Variants in C12orf43 observed in about 807,000 individuals in gnomAD.
The protein encoded by C12orf43 is chromosome 12 open reading frame 43, also known as protein CUSTOS.
A neutral mutation model predicts 20.6 loss-of-function variants in C12orf43; 15 were observed. That is an observed-to-expected ratio of 0.73 (90% CI 0.49 to 1.12). The LOEUF (loss-of-function observed/expected upper bound fraction) is 1.12. C12orf43 is among the 50% of genes most tolerant of loss of function. The probability of loss-of-function intolerance (pLI) is 0.00; values close to 1 mark genes in which losing one functional copy is unlikely to be tolerated. For missense variants in C12orf43, 334 were observed against 344.4 expected, an observed-to-expected ratio of 0.97 and a Z score of 0.24; for synonymous variants, 144 against 130.8, an observed-to-expected ratio of 1.10 and a Z score of -0.69.
At chr12:121,011,341 T>C (rs558924714) in intron 1 of C12orf43, among the ~76,000 whole-genome samples, 195 bp from the exon 2 acceptor site, 1 of 148,512 alleles carries the variant, frequency 6.7e-6, no homozygotes, top group South Asian at 2.1e-4. Flanking sequence ...TTACATATAA[T>C]TTAGTTATAT....
At chr12:121,015,130 G>A (rs560080958) in intron 1 of C12orf43, among the ~76,000 whole-genome samples, 16 of 152,300 alleles carry the variant, frequency 1.1e-4, no homozygotes, top group South Asian at 2.1e-4. Flanking sequence ...ATCACTACCC[G>A]CACTGTACAG....
intron 3 of C12orf43, 149 bp from the exon 4 acceptor site, chr12:121,006,543 T>C (rs897555083): frequency 2.9e-6 from 2 of 695,206 alleles, no homozygotes; most frequent in Non-Finnish European, 5.1e-6. Context: ...ATGGTCTGGT[T>C]ATAACATGCT....
rs1877763839 is a variant in C12orf43 at position 121,004,150 on chromosome 12, G to A, written c.*3C>T. 1 of 1,614,142 alleles carries A rather than the reference G, an allele frequency of 6.2e-7. No homozygotes were observed. Among genetic ancestry groups the A allele is most frequent in the African/African-American group, 1.3e-5 (1 of 75,062 alleles). On this transcript the variant is annotated 3_prime_UTR_variant, in exon 6 of 6. Transcript: ENST00000288757. The surrounding 1 kb of genome is among the most constrained non-coding windows in gnomAD (Gnocchi z 5.6). ...TGGCTGAGCCCTGTGCCCATGGCTG[G>A]GTTCAGTTTGCAGGTATAGCTGTAG...
At chr12:121,008,718 C>G (rs1256969907) in intron 3 of C12orf43, among the ~76,000 whole-genome samples, 1 of 152,236 alleles carries the variant, frequency 6.6e-6, no homozygotes, top group Non-Finnish European at 1.5e-5. Flanking sequence ...AGAAGAATAG[C>G]TGGTTCACAC....
chr12:121,015,329 G>A (rs1396714319), intron 1 of C12orf43, among the ~76,000 whole-genome samples: 2 of 152,172 alleles, frequency 1.3e-5, no homozygotes, highest in Non-Finnish European at 2.9e-5. Context: ...GGGAAGGAAG[G>A]GAGAGGAAGG....
rs1014289764 is a variant in C12orf43, at chr12:121,001,857, C to G, written c.*2296G>C. On this transcript the variant is annotated 3_prime_UTR_variant, in exon 6 of 6. Transcript: ENST00000288757. ...AGGCAGGGCTCTCCTGGCTTCCCAT[C>G]CCCAGCGATTCCCTCTCCCAGGCCC... 4 of 523,472 alleles carry G rather than the reference C, an allele frequency of 7.6e-6. No individual in the cohort carries two copies. Among genetic ancestry groups the G allele is most frequent in the African/African-American group, 5.6e-5 (3 of 53,532 alleles). The allele number at this position is 523,472 out of a possible 1,614,324, so 32.4% of individuals were successfully genotyped here. A position where few individuals can be genotyped will look rare whatever the true frequency, so the allele number is the denominator to read the frequency against.
Position 121,000,906 on chromosome 12 carries a change from G to GTC in C12orf43, c.*3246_*3247insGA. The GTC allele has an allele frequency of 9.7e-7, 1 of 1,031,226 alleles. No individual in the cohort carries two copies. Among genetic ancestry groups the GTC allele is most frequent in the Non-Finnish European group, 1.5e-6 (1 of 688,618 alleles). 63.9% of individuals were successfully genotyped at this position (1,031,226 alleles called of 1,614,324 possible). A position where few individuals can be genotyped will look rare whatever the true frequency, so the allele number is the denominator to read the frequency against. ...GGACCCTGGCTGGGAGGCTCCCTTT[G>GTC]AAGAACCGAGGGTAGAGGTGTGACT... On this transcript the variant is annotated 3_prime_UTR_variant, in exon 6 of 6. Transcript: ENST00000288757.
In C12orf43 at chr12:121,000,777, C is replaced by T; in HGVS notation, c.*3376G>A. On this transcript the variant is annotated 3_prime_UTR_variant, in exon 6 of 6. Transcript: ENST00000288757. Reference sequence around the variant, plus strand: ...GCAGCGCCTAGATTAGTGTTTGACTCAGCCTAGCCAAGCCAACACGTACAA... The same window carrying T: ...GCAGCGCCTAGATTAGTGTTTGACTTAGCCTAGCCAAGCCAACACGTACAA... 1 of 470,406 alleles carries T rather than the reference C, an allele frequency of 2.1e-6. No individual in the cohort carries two copies. The highest frequency in any genetic ancestry group is 4.0e-6 in the Non-Finnish European group (1 of 253,050). 29.1% of individuals were successfully genotyped at this position (470,406 alleles called of 1,614,324 possible).
intron 2 of C12orf43, 77 bp downstream of exon 2, chr12:121,011,027 T>C: frequency 6.3e-7 from 1 of 1,593,632 alleles, no homozygotes; most frequent in East Asian, 2.2e-5. Flanking sequence ...ATGCCAGGCG[T>C]GAAGCCTAGC....
chr12:121,013,313 G>A (rs183033882), intron 1 of C12orf43, among the ~76,000 whole-genome samples: 25 of 152,336 alleles, frequency 1.6e-4, no homozygotes, highest in African/African-American at 5.1e-4. Context: ...GTGAGGTACC[G>A]TCAGGGAACA....
At chr12:121,011,707 A>C (rs1565897827) in intron 1 of C12orf43, among the ~76,000 whole-genome samples, 1 of 152,054 alleles carries the variant, frequency 6.6e-6, no homozygotes, top group South Asian at 2.1e-4. Context: ...GCCCCCTCTT[A>C]ACCACCACGC....
intron 1 of C12orf43, 107 bp from the exon 2 acceptor site, chr12:121,011,253 A>G: frequency 1.2e-6 from 1 of 804,016 alleles, no homozygotes; most frequent in Non-Finnish European, 2.1e-6. Context: ...TAACTCATAT[A>G]TATACATACA....
intron 1 of C12orf43, chr12:121,012,573 C>T (rs1228668648): frequency 2.9e-6 from 2 of 684,046 alleles, no homozygotes; most frequent in East Asian, 2.7e-5. Flanking sequence ...GGAGTCAAGG[C>T]CGGGCGCGGT....
In C12orf43 at chr12:121,010,814, C is replaced by T. The variant is rs961116872; in HGVS notation, c.287+14G>A. 1 of 1,586,388 alleles carries T rather than the reference C, an allele frequency of 6.3e-7. No individual in the cohort carries two copies. Among genetic ancestry groups the T allele is most frequent in the South Asian group, 1.1e-5 (1 of 87,910 alleles). On this transcript the variant is annotated intron_variant, in intron 3 of 5. Coordinates refer to ENST00000288757, the MANE Select transcript of C12orf43 (RefSeq NM_022895.3). Reference sequence around the variant, plus strand: ...TAACAAGGGCAAGAGAGGAGAAACTCCACCTTTGTTTACCTGTCCAGCAGG... The same window carrying T: ...TAACAAGGGCAAGAGAGGAGAAACTTCACCTTTGTTTACCTGTCCAGCAGG...
Position 121,000,748 on chromosome 12 carries a change from C to T in C12orf43, c.*3405G>A, listed in dbSNP as rs1877400670. 4 of 419,390 alleles carry T rather than the reference C, an allele frequency of 9.5e-6. No homozygotes were observed. Among genetic ancestry groups the T allele is most frequent in the South Asian group, 8.7e-5 (4 of 46,242 alleles). The allele number at this position is 419,390 out of a possible 1,614,324, so 26.0% of individuals were successfully genotyped here. Reference sequence around the variant, plus strand: ...ACCACATCTACAAAGCACCTGCATTCACAGCAGCGCCTAGATTAGTGTTTG... The same window carrying T: ...ACCACATCTACAAAGCACCTGCATTTACAGCAGCGCCTAGATTAGTGTTTG... On this transcript the variant is annotated 3_prime_UTR_variant, in exon 6 of 6. Transcript: ENST00000288757.
Position 121,006,322 on chromosome 12 carries a change from A to G in C12orf43, c.360T>C (p.Asp120=), listed in dbSNP as rs776179446. The change falls in exon 4 of 6, where the codon GAT becomes GAC. Residue 120 remains aspartate (D), a splice_region_variant and synonymous_variant. Transcript: ENST00000288757. ...CTTCTATTAAGTATAACCACTCACC[A>G]TCATCCTCCAAAGCGACTTTCTGTA... is the stretch of plus-strand genomic sequence containing the variant. ...AKVQKVALED[D]GFRLFFTSVP... 3 of 1,613,156 alleles carry G rather than the reference A, an allele frequency of 1.9e-6. No individual in the cohort carries two copies. Among genetic ancestry groups the G allele is most frequent in the South Asian group, 1.1e-5 (1 of 91,056 alleles).
chr12:121,011,206 C>T (rs370648968), intron 1 of C12orf43, 60 bp from the exon 2 acceptor site: 146 of 1,447,750 alleles, frequency 1.0e-4, no homozygotes, highest in Admixed American at 1.5e-4. Flanking sequence ...ACAACAAATG[C>T]GTGCCAGGCA....
rs749565500 is a variant in C12orf43, at chr12:121,011,165, T to G, written c.146-19A>C. ...GCAGCACCTGTGGAAAAATGAAAAT[T>G]AGGGCATTTATAGAGGAAACAATGA... On this transcript the variant is annotated intron_variant, in intron 1 of 5. Transcript: ENST00000288757. 4 of 1,612,280 alleles carry G rather than the reference T, an allele frequency of 2.5e-6. No homozygotes were observed. In the African/African-American group the frequency reaches 5.3e-5, roughly 22 times the overall value.
intron 2 of C12orf43, 55 bp downstream of exon 2, chr12:121,011,049 G>C: frequency 6.3e-6 from 10 of 1,595,588 alleles, no homozygotes; most frequent in Non-Finnish European, 8.6e-6. Context: ...TCTGGCACAC[G>C]CAGGGGATCA....
Sources: gnomAD v4.1 joint callset for allele counts (sites outside exome capture counted in the v4.1 genomes callset) on GRCh38, gnomAD v4.1.1 for gene constraint, Gnocchi (gnomAD v3.1) non-coding constraint, MANE v1.5 for transcripts, NCBI Gene and HGNC (gene_info 2026-07-23, HGNC 2026-07-21) for gene names.